Variants in KCNIP4 observed in about 807,000 individuals in gnomAD.
KCNIP4 encodes the protein potassium voltage-gated channel interacting protein 4.
Under a neutral mutation model 34.0 loss-of-function variants are expected in KCNIP4, and 12 were observed. The ratio of observed to expected loss-of-function variants is 0.35; its 90% CI spans 0.23 to 0.57. The LOEUF is 0.57. KCNIP4 is among the 20% of genes least tolerant of loss of function. KCNIP4 has a pLI of 0.83. For synonymous variants in KCNIP4, 124 were observed against 102.2 expected (o/e 1.21, Z -1.29); for missense variants, 238 against 311.7 (o/e 0.76, Z 1.78).
At chr4:21,258,622 T>A (rs1252441264) in intron 1 of KCNIP4, among the ~76,000 whole-genome samples, 1 of 152,168 alleles carries the variant, frequency 6.6e-6, no homozygotes. Flanking sequence ...CAATTACTTG[T>A]GCATTTGAAA....
Position 21,087,540 on chromosome 4 carries a change from G to A in KCNIP4, c.62-204831C>T, listed in dbSNP as rs187108366. Among the ~76,000 whole-genome samples, 690 of 152,046 alleles carry A rather than the reference G, an allele frequency of 4.5e-3. 12 individuals carry two copies. Among genetic ancestry groups the A allele is most frequent in the Middle Eastern group, 0.014 (4 of 292 alleles). ...TGACCTCAGGTGACCCACCTGCCTC[G>A]GCCTCCCAAAGTGATGGGATTACAG... On this transcript the variant is annotated intron_variant, in intron 1 of 8. Transcript: ENST00000382152.
intron 1 of KCNIP4, among the ~76,000 whole-genome samples, chr4:21,943,739 A>T (rs1018708489): frequency 6.6e-6 from 1 of 152,126 alleles, no homozygotes; most frequent in East Asian, 1.9e-4. Flanking sequence ...TCTATGACTC[A>T]AGTTAGGTTT....
intron 1 of KCNIP4, among the ~76,000 whole-genome samples, chr4:21,436,879 T>TG (rs1726984612): frequency 1.3e-5 from 2 of 152,234 alleles, no homozygotes; most frequent in African/African-American, 4.8e-5. Context: ...GATACCCCTA[T>TG]GCCTAACACA....
chr4:21,765,158 C>CTTT (rs35619474), intron 1 of KCNIP4, among the ~76,000 whole-genome samples: 32 of 146,340 alleles, frequency 2.2e-4, no homozygotes, highest in African/African-American at 7.6e-4. Context: ...TGAAGAGAAC[C>CTTT]TTTTTTTTTT....
intron 1 of KCNIP4, among the ~76,000 whole-genome samples, chr4:20,965,423 G>A (rs1326045589): frequency 1.3e-5 from 2 of 152,104 alleles, no homozygotes; most frequent in Non-Finnish European, 2.9e-5. Context: ...GGTAACTCAT[G>A]GTATAACTGT....
intron 1 of KCNIP4, among the ~76,000 whole-genome samples, chr4:21,521,491 T>C (rs1735521373): frequency 6.6e-6 from 1 of 152,054 alleles, no homozygotes; most frequent in South Asian, 2.1e-4. Flanking sequence ...AAATAACATA[T>C]CTAAAACTGA....
At chr4:21,248,178 C>T (rs1760434313) in intron 1 of KCNIP4, among the ~76,000 whole-genome samples, 1 of 151,492 alleles carries the variant, frequency 6.6e-6, no homozygotes, top group Non-Finnish European at 1.5e-5. Context: ...ATGAGAGCAA[C>T]CATACTCAGG....
At chr4:21,617,302 C>A (rs2109164504) in intron 1 of KCNIP4, among the ~76,000 whole-genome samples, 1 of 152,184 alleles carries the variant, frequency 6.6e-6, no homozygotes, top group South Asian at 2.1e-4. Flanking sequence ...CCTGTAGTCC[C>A]TCTGCTATGA....
intron 1 of KCNIP4, among the ~76,000 whole-genome samples, chr4:21,538,908 A>G (rs1415166492): frequency 6.6e-6 from 1 of 152,144 alleles, no homozygotes; most frequent in Non-Finnish European, 1.5e-5. Context: ...CTCATCTCAA[A>G]TTGTAATCCC....
chr4:21,485,885 A>G (rs1240385674), intron 1 of KCNIP4, among the ~76,000 whole-genome samples: 2 of 152,174 alleles, frequency 1.3e-5, no homozygotes, highest in African/African-American at 2.4e-5. Context: ...GGAGGGATGA[A>G]GCAGCAAACA....
chr4:21,090,743 T>C (rs1338660341), intron 1 of KCNIP4, among the ~76,000 whole-genome samples: 1 of 152,244 alleles, frequency 6.6e-6, no homozygotes, highest in Non-Finnish European at 1.5e-5. Context: ...TCATTTGTTA[T>C]GTCTCATTTT....
At chr4:21,440,954 C>A (rs1390437097) in intron 1 of KCNIP4, among the ~76,000 whole-genome samples, 1 of 152,078 alleles carries the variant, frequency 6.6e-6, no homozygotes, top group East Asian at 1.9e-4. Context: ...ACCTTGAAGG[C>A]TGTTTTATGT....
At chr4:20,842,374 T>C (rs1360362810) in intron 3 of KCNIP4, among the ~76,000 whole-genome samples, 1 of 152,022 alleles carries the variant, frequency 6.6e-6, no homozygotes, top group Non-Finnish European at 1.5e-5. Flanking sequence ...AGGCAGTTCC[T>C]TCTGGCTGGA....
At position 20,875,723 on chromosome 4, in the gene KCNIP4, T is replaced by TA. The variant is rs544905723; in HGVS notation, c.163+6884dup. Among the ~76,000 whole-genome samples the TA allele has an allele frequency of 2.2e-4, 33 of 149,744 alleles. 2 individuals are homozygous for TA. The highest frequency in any genetic ancestry group is 6.0e-4 in the Admixed American group (9 of 15,006). On this transcript the variant is annotated intron_variant, in intron 2 of 8. Coordinates refer to ENST00000382152, the MANE Select transcript of KCNIP4 (RefSeq NM_025221.6). The stretch of plus-strand genomic sequence containing the variant: ...TAATTAACTGTCAGAGGTTAAACAT[T>TA]AAAAAAAAAATCCTGGAGGTTACTG...
intron 1 of KCNIP4, among the ~76,000 whole-genome samples, chr4:21,830,032 C>G (rs168625): frequency 0.38 from 58,088 of 151,846 alleles, 12,659 homozygotes; most frequent in Non-Finnish European, 0.51. Flanking sequence ...ATTAAATTAT[C>G]CAATCAAAGG....
rs1306113728 is a variant in KCNIP4, at chr4:21,829,664, A to T, written c.61+118907T>A. On this transcript the variant is annotated intron_variant, in intron 1 of 8. Transcript: ENST00000382152. ...TGTTGTATATAAGCTTCACAGTTCC[A>T]CAAAGCAAAAACCTATAGCAGCCAT... 5.3e-5 allele frequency among the ~76,000 whole-genome samples: 8 copies of T among 152,198 alleles called. No individual in the cohort carries two copies. The East Asian group carries it at 1.5e-3, about 29-fold the overall frequency.
intron 1 of KCNIP4, among the ~76,000 whole-genome samples, chr4:21,754,751 A>G (rs1417406441): frequency 2.6e-5 from 4 of 152,202 alleles, no homozygotes; most frequent in African/African-American, 9.7e-5. Flanking sequence ...AAATGCCACT[A>G]AACAACATAT....
intron 1 of KCNIP4, among the ~76,000 whole-genome samples, chr4:21,282,442 G>A (rs1762834344): frequency 6.9e-6 from 1 of 145,270 alleles, no homozygotes; most frequent in African/African-American, 2.6e-5. Flanking sequence ...TTAAAGACTG[G>A]CACCAAAAGA....
Position 21,496,389 on chromosome 4 carries a change from C to T in KCNIP4, c.61+452182G>A, listed in dbSNP as rs1380030698. Among the ~76,000 whole-genome samples, 3 of 152,058 alleles carry T rather than the reference C, an allele frequency of 2.0e-5. No individual in the cohort carries two copies. In the East Asian group the frequency reaches 5.8e-4, roughly 29 times the overall value. ...CTAGTGGGACAGCTCAGCTTGGGGACACAGAATCAGAAAGTCAGGCCTCTC... is the reference window on the plus strand; with the variant it reads ...CTAGTGGGACAGCTCAGCTTGGGGATACAGAATCAGAAAGTCAGGCCTCTC... On this transcript the variant is annotated intron_variant, in intron 1 of 8. Transcript: ENST00000382152.
Sources: allele counts gnomAD v4.1 joint callset (sites outside exome capture counted in the v4.1 genomes callset), GRCh38; gene constraint gnomAD v4.1.1; transcripts MANE v1.5; gene names NCBI Gene and HGNC (gene_info 2026-07-23, HGNC 2026-07-21).